Variants in KIF3C observed in about 807,000 individuals in gnomAD.
KIF3C encodes kinesin-like protein KIF3C.
KIF3C carries 12 observed loss-of-function variants against 67.7 expected under a neutral mutation model. That is an observed-to-expected ratio of 0.18 (90% confidence interval 0.11 to 0.29). The LOEUF (loss-of-function observed/expected upper bound fraction) is 0.29. Among genes scored for constraint, KIF3C ranks in the 10% least tolerant of loss-of-function variants. The pLI is 1.00. For missense variants in KIF3C, 789 were observed against 1,059.6 expected, an observed-to-expected ratio of 0.74 and a Z score of 3.55; for synonymous variants, 393 against 426.2, an observed-to-expected ratio of 0.92 and a Z score of 0.96.
chr2:25,949,204 G>A (rs1474594046), intron 5 of KIF3C, among the ~76,000 whole-genome samples: 2 of 152,122 alleles, frequency 1.3e-5, no homozygotes, highest in African/African-American at 4.8e-5. Context: ...AGCAAGATAT[G>A]GCAAAATGTT....
At chr2:25,938,482 G>A in intron 5 of KIF3C, 1 of 311,660 alleles carries the variant, frequency 3.2e-6, no homozygotes, top group East Asian at 1.0e-4. Context: ...GGCCAGAACA[G>A]ATGGGCCAGT....
chr2:25,978,146 C>T (rs1664464164), intron 1 of KIF3C, among the ~76,000 whole-genome samples: 1 of 152,092 alleles, frequency 6.6e-6, no homozygotes, highest in South Asian at 2.1e-4. Context: ...ATCTGAGATG[C>T]CTTGGAAAGA....
chr2:25,963,824 C>G (rs1266536945), intron 1 of KIF3C, among the ~76,000 whole-genome samples: 1 of 151,680 alleles, frequency 6.6e-6, no homozygotes, highest in Non-Finnish European at 1.5e-5. Context: ...TCCTGAGTAG[C>G]TGGGATTACA....
intron 5 of KIF3C, among the ~76,000 whole-genome samples, chr2:25,950,071 T>A (rs1173713016): frequency 1.3e-5 from 2 of 151,154 alleles, no homozygotes; most frequent in Non-Finnish European, 2.9e-5. Context: ...TTTGTATTTT[T>A]AGTAGAGACG....
chr2:25,966,404 C>T (rs1486193607), intron 1 of KIF3C, among the ~76,000 whole-genome samples: 2 of 152,208 alleles, frequency 1.3e-5, no homozygotes, highest in East Asian at 3.8e-4. Context: ...CCACGCCCCA[C>T]CTGTCTAGCT....
At chr2:25,972,588 T>C (rs1664310107) in intron 1 of KIF3C, among the ~76,000 whole-genome samples, 2 of 152,176 alleles carry the variant, frequency 1.3e-5, no homozygotes, top group Non-Finnish European at 2.9e-5. Flanking sequence ...ACTCAGCTGA[T>C]CACACAGCCC....
intron 1 of KIF3C, among the ~76,000 whole-genome samples, chr2:25,971,840 T>C (rs1664291007): frequency 6.9e-6 from 1 of 145,366 alleles, no homozygotes; most frequent in Non-Finnish European, 1.5e-5. Context: ...CCTGAGCAGC[T>C]AGGACTACAG....
intron 5 of KIF3C, among the ~76,000 whole-genome samples, chr2:25,935,894 G>A (rs569983198): frequency 7.2e-4 from 109 of 151,614 alleles, no homozygotes; most frequent in South Asian, 3.5e-3. Context: ...TGGCTAACAC[G>A]GTGAAACCCC....
chr2:25,956,555 T>C (rs1160410252), intron 1 of KIF3C, 111 bp from the exon 2 acceptor site: 2 of 764,000 alleles, frequency 2.6e-6, no homozygotes, highest in African/African-American at 3.4e-5. Context: ...GGACACCAGA[T>C]GTGTCCCAGA....
Position 25,942,250 on chromosome 2 carries a change from C to T in KIF3C, c.2006+9539G>A, listed in dbSNP as rs1017936371. Among the ~76,000 whole-genome samples the T allele has an allele frequency of 7.9e-5, 12 of 151,468 alleles. No individual in the cohort carries two copies. The South Asian group carries it at 2.1e-3, about 26-fold the overall frequency. On this transcript the variant is annotated intron_variant, in intron 5 of 7. Coordinates refer to ENST00000264712, the MANE Select transcript of KIF3C (RefSeq NM_002254.8). ...GCACATGCCTATAATCCCAGCTACT[C>T]GGGAGGCTGAGGCAGGAGAATCGCT...
At position 25,929,946 on chromosome 2, in the gene KIF3C, G is replaced by A. The variant is rs757761372; in HGVS notation, c.2115+9C>T. 42 of 1,594,242 alleles carry A rather than the reference G, an allele frequency of 2.6e-5. No homozygotes were observed. The highest frequency in any genetic ancestry group is 3.3e-4 in the Middle Eastern group (2 of 6,038). The stretch of plus-strand genomic sequence containing the variant: ...CCCGTAGGCTCTTTCTCCCCTCTCC[G>A]CTTCTTACCCTGTACCTGGGGTGGG... On this transcript the variant is annotated intron_variant, in intron 6 of 7. Coordinates refer to ENST00000264712, the MANE Select transcript of KIF3C (RefSeq NM_002254.8).
intron 5 of KIF3C, among the ~76,000 whole-genome samples, chr2:25,948,333 G>A (rs1485058745): frequency 1.3e-5 from 2 of 151,996 alleles, no homozygotes; most frequent in Non-Finnish European, 1.5e-5. Flanking sequence ...GAGGGGGATC[G>A]CTTAAGCCCC....
intron 5 of KIF3C, 101 bp from the exon 6 acceptor site, chr2:25,930,164 C>A (rs2090447405): frequency 2.2e-6 from 2 of 891,244 alleles, no homozygotes; most frequent in African/African-American, 3.3e-5. Context: ...GGAGGCCCTG[C>A]AGACTGCAAG....
chr2:25,979,639 CTCTT>C (rs1201575609), intron 1 of KIF3C, among the ~76,000 whole-genome samples: 1 of 152,144 alleles, frequency 6.6e-6, no homozygotes, highest in African/African-American at 2.4e-5. Flanking sequence ...ACCCCCAAAT[CTCTT>C]TCCTAATGAT....
At chr2:25,950,195 C>T (rs1421288206) in intron 5 of KIF3C, among the ~76,000 whole-genome samples, 2 of 151,076 alleles carry the variant, frequency 1.3e-5, no homozygotes, top group Non-Finnish European at 2.9e-5. Context: ...CCACCATGCC[C>T]AGCAGAAAGA....
At chr2:25,940,650 CTTTTTTTT>C (rs70950139) in intron 5 of KIF3C, among the ~76,000 whole-genome samples, 2 of 74,188 alleles carry the variant, frequency 2.7e-5, no homozygotes, top group African/African-American at 5.3e-5. Context: ...TCAGAATGTT[CTTTTTTTT>C]TTTTTTTTTT....
rs879733630 is a variant in KIF3C at position 25,946,852 on chromosome 2, C to CA, written c.2006+4936dup. Among the ~76,000 whole-genome samples the CA allele has an allele frequency of 3.9e-3, 540 of 138,878 alleles. 10 individuals are homozygous for CA. In the East Asian group the frequency reaches 0.047, roughly 12 times the overall value. The allele number at this position is 138,878 out of a possible 152,430, so 91.1% of individuals were successfully genotyped here. ...CTGGGGACAGAGCGAGACTCCATCTCAAAAAAAAAAAGAAAGAAGGCTGGG... is the reference window on the plus strand; with the variant it reads ...CTGGGGACAGAGCGAGACTCCATCTCAAAAAAAAAAAAGAAAGAAGGCTGGG... On this transcript the variant is annotated intron_variant, in intron 5 of 7. Transcript: ENST00000264712.
At chr2:25,941,205 G>A (rs564701748) in intron 5 of KIF3C, among the ~76,000 whole-genome samples, 1 of 152,254 alleles carries the variant, frequency 6.6e-6, no homozygotes, top group East Asian at 1.9e-4. Context: ...TCGGGAAGTT[G>A]AAGCAGGAGG....
intron 1 of KIF3C, among the ~76,000 whole-genome samples, chr2:25,959,490 T>C (rs74799223): frequency 2.2e-4 from 33 of 151,918 alleles, no homozygotes; most frequent in African/African-American, 6.5e-4. Flanking sequence ...CTCTTTTTTT[T>C]CTGCAGTGGC....
Sources: gnomAD v4.1 joint callset for allele counts (sites outside exome capture counted in the v4.1 genomes callset) on GRCh38, gnomAD v4.1.1 for gene constraint, MANE v1.5 for transcripts, NCBI Gene and HGNC (gene_info 2026-07-23, HGNC 2026-07-21) for gene names.